Variants in NIPAL3 observed in about 807,000 individuals in gnomAD.
The protein encoded by NIPAL3 is NIPA-like protein 3.
NIPAL3 carries 41 observed loss-of-function variants against 47.2 expected under a neutral mutation model. That is an observed-to-expected ratio of 0.87 (90% CI 0.68 to 1.13). NIPAL3 has a LOEUF of 1.13. NIPAL3 is among the 50% of genes most tolerant of loss of function. The pLI is 0.00. For synonymous variants in NIPAL3, 194 were observed against 209.6 expected, an observed-to-expected ratio of 0.93 and a Z score of 0.64; for missense variants, 449 against 530.1, an observed-to-expected ratio of 0.85 and a Z score of 1.50.
intron 2 of NIPAL3, among the ~76,000 whole-genome samples, chr1:24,434,981 G>T (rs1486674635): frequency 6.6e-6 from 1 of 152,186 alleles, no homozygotes; most frequent in East Asian, 1.9e-4. Flanking sequence ...CAATGTTGAA[G>T]AACTCATACT....
rs1646188246 is a variant in NIPAL3, at chr1:24,456,127, C to T, written c.638-11C>T. ...TGAGGCTCCCCATTCGCCCTTGTCT[C>T]CCATCTGCAGGCTCCATGACAGTGG... On this transcript the variant is annotated splice_polypyrimidine_tract_variant and intron_variant, in intron 7 of 11. Transcript: ENST00000374399. The T allele has an allele frequency of 2.5e-6, 4 of 1,614,116 alleles. No homozygotes were observed. The highest frequency in any genetic ancestry group is 1.3e-5 in the African/African-American group (1 of 75,060).
At chr1:24,444,185 G>T (rs183540893) in intron 4 of NIPAL3, among the ~76,000 whole-genome samples, 4 of 152,126 alleles carry the variant, frequency 2.6e-5, no homozygotes, top group Admixed American at 1.3e-4. Flanking sequence ...ACTGCTCCAG[G>T]TACTTTTAGT....
chr1:24,443,090 A>G (rs542297934), intron 4 of NIPAL3, among the ~76,000 whole-genome samples: 1 of 152,328 alleles, frequency 6.6e-6, no homozygotes, highest in African/African-American at 2.4e-5. Context: ...ATTGTAAGCC[A>G]CCACACTGGC....
intron 6 of NIPAL3, among the ~76,000 whole-genome samples, chr1:24,450,552 G>C (rs1002918880): frequency 6.6e-6 from 1 of 152,154 alleles, no homozygotes; most frequent in African/African-American, 2.4e-5. Context: ...CTACTGGTAC[G>C]TTCTTGTTCC....
chr1:24,425,856 C>T (rs978126384), intron 2 of NIPAL3, among the ~76,000 whole-genome samples: 2 of 152,176 alleles, frequency 1.3e-5, no homozygotes, highest in Non-Finnish European at 2.9e-5. Context: ...AAATCCTACC[C>T]AGCCTTCCAG....
chr1:24,453,382 A>AC, intron 6 of NIPAL3, 26 bp from the exon 7 acceptor site: 4 of 1,581,664 alleles, frequency 2.5e-6, no homozygotes, highest in Non-Finnish European at 3.5e-6. Flanking sequence ...GTCCCCACTG[A>AC]CCCCCCTGCT....
rs1645111637 is a variant in NIPAL3, at chr1:24,436,483, T to C, written c.94-3689T>C. 3.3e-5 allele frequency among the ~76,000 whole-genome samples: 5 copies of C among 152,046 alleles called. No homozygotes were observed. In the South Asian group the frequency reaches 1.0e-3, roughly 32 times the overall value. On this transcript the variant is annotated intron_variant, in intron 2 of 11. Coordinates refer to ENST00000374399, the MANE Select transcript of NIPAL3 (RefSeq NM_020448.5). ...CTTCTCTCTGCATTCAGAATTGTCT[T>C]ATGTTTGTCTTTTTTTTTTTTTGAG... is the stretch of plus-strand genomic sequence containing the variant.
chr1:24,445,075 A>G (rs1645592754), intron 4 of NIPAL3, 110 bp from the exon 5 acceptor site: 1 of 682,958 alleles, frequency 1.5e-6, no homozygotes, highest in Non-Finnish European at 2.6e-6. Flanking sequence ...GTGACAGGTT[A>G]GGAAGTACCA....
At chr1:24,461,562 C>T (rs1395869660) in intron 10 of NIPAL3, among the ~76,000 whole-genome samples, 4 of 150,076 alleles carry the variant, frequency 2.7e-5, no homozygotes, top group African/African-American at 9.9e-5. Flanking sequence ...AAAAAAATCA[C>T]AAACTTTTAA....
At chr1:24,434,417 C>T (rs1226561369) in intron 2 of NIPAL3, among the ~76,000 whole-genome samples, 1 of 152,080 alleles carries the variant, frequency 6.6e-6, no homozygotes, top group Admixed American at 6.6e-5. Context: ...AATAAATGCA[C>T]CTACACAGCC....
chr1:24,462,389 T>G (rs997480157), intron 10 of NIPAL3, among the ~76,000 whole-genome samples: 1 of 152,160 alleles, frequency 6.6e-6, no homozygotes, highest in African/African-American at 2.4e-5. Context: ...TAGGTCTAAA[T>G]TGGAAACAAC....
At chr1:24,468,269 C>T (rs1283215148) in intron 11 of NIPAL3, among the ~76,000 whole-genome samples, 8 of 152,082 alleles carry the variant, frequency 5.3e-5, no homozygotes, top group Non-Finnish European at 1.0e-4. Context: ...GAGCCAAGAT[C>T]GCTCCACTGC....
In NIPAL3 at chr1:24,449,709, A is replaced by AT; in HGVS notation, c.540+84dup. On this transcript the variant is annotated intron_variant, in intron 6 of 11. Coordinates refer to ENST00000374399, the MANE Select transcript of NIPAL3 (RefSeq NM_020448.5). This position sits in a 1 kb window ranked among gnomAD's most constrained non-coding sequence, Gnocchi z 4.5. ...AAACCAGAAACGTGAATACCCAGCA[A>AT]TAGGGGATTCCGTGAGTTGCGGCAC... 20 of 1,430,146 alleles carry AT rather than the reference A, an allele frequency of 1.4e-5. No individual in the cohort carries two copies. Among genetic ancestry groups the AT allele is most frequent in the Non-Finnish European group, 1.8e-5 (19 of 1,054,616 alleles). The allele number at this position is 1,430,146 out of a possible 1,614,324, so 88.6% of individuals were successfully genotyped here.
chr1:24,426,939 A>C (rs1035255237), intron 2 of NIPAL3, among the ~76,000 whole-genome samples: 2 of 152,194 alleles, frequency 1.3e-5, no homozygotes, highest in Admixed American at 1.3e-4. Context: ...TCCAGTTTGC[A>C]CCGTGTCTTT....
intron 2 of NIPAL3, among the ~76,000 whole-genome samples, chr1:24,436,198 G>T (rs1175803044): frequency 1.3e-5 from 2 of 152,134 alleles, no homozygotes; most frequent in East Asian, 3.9e-4. Flanking sequence ...GTTCTCTGTG[G>T]TGTTTAGAAT....
chr1:24,428,696 C>T (rs964417264), intron 2 of NIPAL3, among the ~76,000 whole-genome samples: 1 of 152,222 alleles, frequency 6.6e-6, no homozygotes, highest in African/African-American at 2.4e-5. Context: ...ATTTGTACGC[C>T]TTTTCTCCTA....
intron 11 of NIPAL3, among the ~76,000 whole-genome samples, chr1:24,467,316 A>T (rs1646738936): frequency 6.6e-6 from 1 of 152,002 alleles, no homozygotes; most frequent in Non-Finnish European, 1.5e-5. Context: ...ACAAAAAAAA[A>T]AAAATTAGCT....
intron 2 of NIPAL3, among the ~76,000 whole-genome samples, chr1:24,430,222 G>A (rs982880812): frequency 5.4e-5 from 8 of 148,986 alleles, no homozygotes; most frequent in Admixed American, 4.0e-4. Flanking sequence ...TGGTATAGCA[G>A]TATCACTAAA....
intron 4 of NIPAL3, 38 bp downstream of exon 4, chr1:24,442,264 C>G: frequency 6.3e-7 from 1 of 1,598,168 alleles, no homozygotes; most frequent in Non-Finnish European, 8.5e-7. Context: ...CTGGGGTGCT[C>G]CCAGCTGCGT....
Sources: allele counts gnomAD v4.1 joint callset (sites outside exome capture counted in the v4.1 genomes callset), GRCh38; gene constraint gnomAD v4.1.1; non-coding constraint Gnocchi (gnomAD v3.1); transcripts MANE v1.5; gene names NCBI Gene and HGNC (gene_info 2026-07-23, HGNC 2026-07-21).